The following GLRA3 variants were observed in gnomAD, a reference collection of about 807,000 sequenced individuals.
The protein encoded by GLRA3 is glycine receptor subunit alpha-3.
In GLRA3, 44 loss-of-function variants were observed where a neutral mutation model predicts 60.4. The observed-to-expected ratio is 0.73, with a 90% CI of 0.57 to 0.94. GLRA3 has a LOEUF of 0.94. Among genes scored for constraint, GLRA3 ranks in the 40% least tolerant of loss-of-function variants. GLRA3 has a pLI of 0.00. For synonymous variants in GLRA3, 223 were observed against 192.9 expected (o/e 1.16, Z -1.29); for missense variants, 508 against 564.6 (o/e 0.90, Z 1.02).
intron 1 of GLRA3, among the ~76,000 whole-genome samples, chr4:174,820,543 G>A (rs1217253262): frequency 1.3e-5 from 2 of 152,252 alleles, no homozygotes; most frequent in African/African-American, 4.8e-5. Flanking sequence ...GGGATATGTG[G>A]CACTGGCACA....
At chr4:174,649,414 T>C (rs977926970) in intron 9 of GLRA3, among the ~76,000 whole-genome samples, 6 of 152,154 alleles carry the variant, frequency 3.9e-5, no homozygotes, top group African/African-American at 1.4e-4. Flanking sequence ...AAGGATGTGA[T>C]ACATAAATGA....
intron 5 of GLRA3, among the ~76,000 whole-genome samples, chr4:174,701,177 G>A (rs1735303420): frequency 6.6e-6 from 1 of 152,070 alleles, no homozygotes; most frequent in African/African-American, 2.4e-5. Context: ...TCTTCCTAGG[G>A]GCTAATGAAG....
intron 4 of GLRA3, among the ~76,000 whole-genome samples, chr4:174,718,362 T>C (rs1380477907): frequency 6.6e-6 from 1 of 152,242 alleles, no homozygotes; most frequent in Non-Finnish European, 1.5e-5. Context: ...AGACACTAAG[T>C]TCTCTTTCTG....
intron 1 of GLRA3, among the ~76,000 whole-genome samples, chr4:174,812,757 T>C (rs1740321907): frequency 6.6e-6 from 1 of 152,198 alleles, no homozygotes; most frequent in Non-Finnish European, 1.5e-5. Context: ...TTCTTAAGAC[T>C]AATACTCAGT....
rs1732562027 is a variant in GLRA3 at position 174,638,871 on chromosome 4, T to C, written c.*4915A>G. 1 of 152,230 alleles carries C rather than the reference T, an allele frequency of 6.6e-6. No homozygotes were observed. Among genetic ancestry groups the C allele is most frequent in the South Asian group, 2.1e-4 (1 of 4,830 alleles). 9.4% of individuals were successfully genotyped at this position (152,230 alleles called of 1,614,324 possible). ...AATCAATGATTAAATCATAATCTTC[T>C]ATGTTGGACACCAAGCATATGTATG... On this transcript the variant is annotated 3_prime_UTR_variant, in exon 10 of 10. Coordinates refer to ENST00000274093, the MANE Select transcript of GLRA3 (RefSeq NM_006529.4).
intron 5 of GLRA3, among the ~76,000 whole-genome samples, chr4:174,688,449 T>C (rs1404715314): frequency 6.7e-6 from 1 of 149,916 alleles, no homozygotes; most frequent in Non-Finnish European, 1.5e-5. Flanking sequence ...TTATTCTTTA[T>C]AGAAGCAGAG....
At chr4:174,660,124 A>G (rs1018308382) in intron 7 of GLRA3, among the ~76,000 whole-genome samples, 1 of 152,136 alleles carries the variant, frequency 6.6e-6, no homozygotes, top group African/African-American at 2.4e-5. Context: ...ACACAACACC[A>G]TACACTCAAC....
chr4:174,817,338 T>A (rs1224555853), intron 1 of GLRA3, among the ~76,000 whole-genome samples: 3 of 152,222 alleles, frequency 2.0e-5, no homozygotes, highest in Admixed American at 6.5e-5. Context: ...GAGAGAAGGA[T>A]TGGCAACCTC....
chr4:174,705,083 T>C (rs1387850782), intron 5 of GLRA3, among the ~76,000 whole-genome samples: 2 of 144,370 alleles, frequency 1.4e-5, no homozygotes, highest in African/African-American at 5.0e-5. Context: ...ACATTTTGTT[T>C]GTATATTGTT....
intron 7 of GLRA3, among the ~76,000 whole-genome samples, chr4:174,659,630 T>C (rs1253050060): frequency 1.4e-5 from 2 of 143,694 alleles, no homozygotes; most frequent in Non-Finnish European, 3.1e-5. Context: ...GGTTATTTGC[T>C]ATCTATTTTG....
intron 5 of GLRA3, among the ~76,000 whole-genome samples, chr4:174,696,727 T>C (rs1166771895): frequency 6.6e-6 from 1 of 152,058 alleles, no homozygotes; most frequent in Non-Finnish European, 1.5e-5. Flanking sequence ...TACTGTATTT[T>C]TGTTTGAAAT....
At chr4:174,771,698 A>T (rs2111249862) in intron 2 of GLRA3, among the ~76,000 whole-genome samples, 1 of 152,238 alleles carries the variant, frequency 6.6e-6, no homozygotes, top group East Asian at 1.9e-4. Flanking sequence ...GCTGAAACGG[A>T]AATAAATAAA....
At chr4:174,777,578 G>T (rs759265898) in intron 2 of GLRA3, among the ~76,000 whole-genome samples, 3 of 152,124 alleles carry the variant, frequency 2.0e-5, no homozygotes, top group African/African-American at 7.2e-5. Flanking sequence ...CATACCACAA[G>T]CACAGGAGAT....
intron 5 of GLRA3, among the ~76,000 whole-genome samples, chr4:174,703,728 T>G (rs752580434): frequency 6.6e-6 from 1 of 152,186 alleles, no homozygotes; most frequent in African/African-American, 2.4e-5. Flanking sequence ...TCTTATAAAA[T>G]AGAAAACTGA....
chr4:174,684,848 A>G (rs1456689882), intron 5 of GLRA3, among the ~76,000 whole-genome samples: 1 of 152,186 alleles, frequency 6.6e-6, no homozygotes, highest in Non-Finnish European at 1.5e-5. Context: ...TTTCTACTAA[A>G]AAACACAAAA....
Position 174,643,052 on chromosome 4 carries a change from T to A in GLRA3, c.*734A>T. 3.1e-6 allele frequency: 3 copies of A among 956,666 alleles called. No individual in the cohort carries two copies. Among genetic ancestry groups the A allele is most frequent in the Non-Finnish European group, 3.7e-6 (3 of 804,346 alleles). The allele number at this position is 956,666 out of a possible 1,614,324, so 59.3% of individuals were successfully genotyped here. ...AATAACTAAAAATACATAGCTATAA[T>A]ACTTATTTAAAAACAAAGTTGTTTC... is the stretch of plus-strand genomic sequence containing the variant. On this transcript the variant is annotated 3_prime_UTR_variant, in exon 10 of 10. Coordinates refer to ENST00000274093, the MANE Select transcript of GLRA3 (RefSeq NM_006529.4).
chr4:174,770,380 G>T (rs980468498), intron 2 of GLRA3, among the ~76,000 whole-genome samples: 12 of 151,976 alleles, frequency 7.9e-5, no homozygotes, highest in African/African-American at 2.9e-4. Context: ...CTATCCTAAG[G>T]AATTACAGAC....
intron 3 of GLRA3, among the ~76,000 whole-genome samples, chr4:174,749,936 AT>A (rs1737401592): frequency 6.6e-6 from 1 of 152,074 alleles, no homozygotes; most frequent in African/African-American, 2.4e-5. Flanking sequence ...AATTGGGAAG[AT>A]TTAGAAAATT....
intron 1 of GLRA3, among the ~76,000 whole-genome samples, chr4:174,820,759 A>G (rs1368790632): frequency 1.3e-5 from 2 of 152,174 alleles, no homozygotes; most frequent in African/African-American, 2.4e-5. Context: ...TAGATGACCA[A>G]TCCGACACAC....
Sources: gnomAD v4.1 joint callset for allele counts (sites outside exome capture counted in the v4.1 genomes callset) on GRCh38, gnomAD v4.1.1 for gene constraint, MANE v1.5 for transcripts, NCBI Gene and HGNC (gene_info 2026-07-23, HGNC 2026-07-21) for gene names.